Variants in DGKB observed in about 807,000 individuals in gnomAD.
The protein encoded by DGKB is 90 kDa diacylglycerol kinase.
Under a neutral mutation model 114.3 loss-of-function variants are expected in DGKB, and 67 were observed. The observed-to-expected ratio is 0.59, with a 90% CI of 0.48 to 0.72. The LOEUF (loss-of-function observed/expected upper bound fraction) is 0.72, where lower values mean the gene tolerates loss of function less well. Ranked by LOEUF, DGKB falls within the 30% of genes least tolerant of loss-of-function variation. The pLI is 0.00. For synonymous variants in DGKB, 398 were observed against 323.1 expected (o/e 1.23, Z -2.49); for missense variants, 907 against 975.2 (o/e 0.93, Z 0.93).
intron 13 of DGKB, among the ~76,000 whole-genome samples, chr7:14,665,530 A>G (rs1043954014): frequency 6.6e-6 from 1 of 152,102 alleles, no homozygotes; most frequent in Non-Finnish European, 1.5e-5. Context: ...TTAAATTAAA[A>G]TAAGGAATAT....
chr7:14,952,318 A>G (rs1449069231), intron 1 of DGKB, among the ~76,000 whole-genome samples: 3 of 152,004 alleles, frequency 2.0e-5, no homozygotes, highest in African/African-American at 4.8e-5. Flanking sequence ...CACCCAATTT[A>G]TGGTACTTTG....
intron 20 of DGKB, among the ~76,000 whole-genome samples, chr7:14,496,678 T>C (rs1160549000): frequency 2.6e-5 from 4 of 151,810 alleles, no homozygotes; most frequent in Non-Finnish European, 4.4e-5. Flanking sequence ...TTGAAACTTA[T>C]TGGAAATGCA....
chr7:14,924,005 G>C (rs2107583), intron 1 of DGKB, among the ~76,000 whole-genome samples: 1 of 108,072 alleles, frequency 9.3e-6, no homozygotes, highest in African/African-American at 4.6e-5. Context: ...AAAAAAAAAA[G>C]CTTTGTCCTA....
chr7:14,787,538 G>T (rs1160691143), intron 2 of DGKB, among the ~76,000 whole-genome samples: 1 of 152,190 alleles, frequency 6.6e-6, no homozygotes, highest in African/African-American at 2.4e-5. Flanking sequence ...CAGAGGCCAA[G>T]AAGAAAGGGT....
intron 1 of DGKB, among the ~76,000 whole-genome samples, chr7:14,899,345 G>A: frequency 6.6e-6 from 1 of 152,056 alleles, no homozygotes; most frequent in East Asian, 1.9e-4. Flanking sequence ...GTATGTAAAG[G>A]AGATTATCTG....
chr7:14,899,945 T>C (rs1485252699), intron 1 of DGKB, among the ~76,000 whole-genome samples: 1 of 152,134 alleles, frequency 6.6e-6, no homozygotes, highest in Non-Finnish European at 1.5e-5. Context: ...ACTAAATACG[T>C]TGCTTTCAGA....
chr7:14,245,462 G>A (rs1240272949), intron 23 of DGKB, among the ~76,000 whole-genome samples: 2 of 152,172 alleles, frequency 1.3e-5, no homozygotes, highest in Non-Finnish European at 2.9e-5. Context: ...GGATATCACA[G>A]AGGTAGATTC....
chr7:14,287,512 C>T (rs1260989319), intron 23 of DGKB, among the ~76,000 whole-genome samples: 1 of 152,122 alleles, frequency 6.6e-6, no homozygotes, highest in Non-Finnish European at 1.5e-5. Flanking sequence ...TTAATATGAA[C>T]TTATTTTCCT....
At chr7:14,426,313 T>C (rs1827518111) in intron 21 of DGKB, among the ~76,000 whole-genome samples, 1 of 152,142 alleles carries the variant, frequency 6.6e-6, no homozygotes. Flanking sequence ...TTAAGCTAAG[T>C]GATTTAAAGC....
intron 21 of DGKB, among the ~76,000 whole-genome samples, chr7:14,392,172 T>C (rs17168129): frequency 0.018 from 2,774 of 152,238 alleles, 69 homozygotes; most frequent in African/African-American, 0.063. Flanking sequence ...TATGAATGCA[T>C]GTAAATTTTC....
rs373904800 is a variant in DGKB, at chr7:14,393,389, CAAAT to C, written c.1836-48002_1836-47999del. ...TAAGCAAAATGTTACTTCCCCAAAA[CAAAT>C]AACCATCTTTCTCATTAGTATACCA... On this transcript the variant is annotated intron_variant, in intron 21 of 25. Transcript: ENST00000402815. Among the ~76,000 whole-genome samples the C allele has an allele frequency of 5.2e-4, 79 of 152,230 alleles. 2 individuals carry two copies. In the South Asian group the frequency reaches 0.013, roughly 26 times the overall value.
At chr7:14,365,451 A>G (rs936439078) in intron 21 of DGKB, among the ~76,000 whole-genome samples, 3 of 152,114 alleles carry the variant, frequency 2.0e-5, no homozygotes, top group Admixed American at 6.6e-5. Flanking sequence ...GGGACAGCCC[A>G]GAACCGACAG....
At chr7:14,363,462 A>C (rs944610730) in intron 21 of DGKB, among the ~76,000 whole-genome samples, 27 of 152,098 alleles carry the variant, frequency 1.8e-4, no homozygotes, top group Admixed American at 1.4e-3. Context: ...TGATTCCTAG[A>C]GGGAAGCACA....
chr7:14,846,418 C>T (rs1469280839), intron 1 of DGKB, among the ~76,000 whole-genome samples: 1 of 152,176 alleles, frequency 6.6e-6, no homozygotes, highest in Non-Finnish European at 1.5e-5. Context: ...ACTAGCTGAA[C>T]TGGCATACAC....
intron 20 of DGKB, among the ~76,000 whole-genome samples, chr7:14,572,371 G>A (rs1189355985): frequency 6.6e-6 from 1 of 151,258 alleles, no homozygotes; most frequent in African/African-American, 2.4e-5. Context: ...AGAATGTCGT[G>A]AACCCAGGAG....
At chr7:14,321,768 A>G (rs1409150955) in intron 23 of DGKB, among the ~76,000 whole-genome samples, 1 of 152,188 alleles carries the variant, frequency 6.6e-6, no homozygotes. Flanking sequence ...AACAAAAACA[A>G]TTAGAGAGTA....
chr7:14,614,149 T>C (rs1321532726), intron 15 of DGKB, among the ~76,000 whole-genome samples: 1 of 152,160 alleles, frequency 6.6e-6, no homozygotes, highest in African/African-American at 2.4e-5. Context: ...TAATGGAGCT[T>C]ATATTATAGT....
At chr7:14,805,905 A>C (rs1194098383) in intron 2 of DGKB, among the ~76,000 whole-genome samples, 1 of 150,506 alleles carries the variant, frequency 6.6e-6, no homozygotes, top group Admixed American at 6.6e-5. Context: ...TATTTATAAT[A>C]ATATTTTAGA....
intron 23 of DGKB, among the ~76,000 whole-genome samples, chr7:14,217,508 C>T (rs1789184264): frequency 6.6e-6 from 1 of 151,918 alleles, no homozygotes; most frequent in South Asian, 2.1e-4. Flanking sequence ...CTCAACTATT[C>T]CAAAGCTCTA....
Sources: gnomAD v4.1 joint callset for allele counts (sites outside exome capture counted in the v4.1 genomes callset) on GRCh38, gnomAD v4.1.1 for gene constraint, MANE v1.5 for transcripts, NCBI Gene and HGNC (gene_info 2026-07-23, HGNC 2026-07-21) for gene names.